The following UBE2E2 variants were observed in gnomAD, a reference collection of about 807,000 sequenced individuals.
UBE2E2 encodes the protein ubiquitin-conjugating enzyme E2 E2.
Under a neutral mutation model 24.7 loss-of-function variants are expected in UBE2E2, and 6 were observed. The ratio of observed to expected loss-of-function variants is 0.24; its 90% CI spans 0.13 to 0.48. The LOEUF (loss-of-function observed/expected upper bound fraction) is 0.48, where lower values mean the gene tolerates loss of function less well. UBE2E2 is among the 20% of genes least tolerant of loss of function. The pLI, the probability that UBE2E2 is intolerant of heterozygous loss-of-function variation, is 0.99. For missense variants in UBE2E2, 169 were observed against 245.0 expected (o/e 0.69, Z 2.07); for synonymous variants, 104 against 83.6 (o/e 1.24, Z -1.33).
At chr3:23,567,522 T>C (rs562020351) in intron 5 of UBE2E2, among the ~76,000 whole-genome samples, 1 of 152,260 alleles carries the variant, frequency 6.6e-6, no homozygotes, top group African/African-American at 2.4e-5. Flanking sequence ...AAAAGGTCAC[T>C]TATAGGAAAT....
chr3:23,357,162 A>G (rs572562785), intron 3 of UBE2E2, among the ~76,000 whole-genome samples: 1 of 152,354 alleles, frequency 6.6e-6, no homozygotes, highest in Admixed American at 6.5e-5. Context: ...CAACCCTTGC[A>G]TGGGCCGGAA....
chr3:23,396,366 A>G (rs1036316998), intron 3 of UBE2E2, among the ~76,000 whole-genome samples: 4 of 147,958 alleles, frequency 2.7e-5, no homozygotes, highest in Admixed American at 2.0e-4. Context: ...TTATCTATAT[A>G]AAATAAAAAA....
At position 23,515,049 on chromosome 3, in the gene UBE2E2, G is replaced by C. The variant is rs553972119; in HGVS notation, c.360+15309G>C. On this transcript the variant is annotated intron_variant, in intron 4 of 5. Coordinates refer to ENST00000396703, the MANE Select transcript of UBE2E2 (RefSeq NM_152653.4). Reference sequence around the variant, plus strand: ...GGCATGATCAATGATTGTATGATTTGTACTAAAGAACTGACCTTCATGTTT... The same window carrying C: ...GGCATGATCAATGATTGTATGATTTCTACTAAAGAACTGACCTTCATGTTT... Among the ~76,000 whole-genome samples the C allele has an allele frequency of 4.6e-5, 7 of 151,812 alleles. No homozygotes were observed. The East Asian group carries it at 1.4e-3, about 29-fold the overall frequency.
chr3:23,428,072 A>G (rs1559380790), intron 3 of UBE2E2, among the ~76,000 whole-genome samples: 1 of 152,204 alleles, frequency 6.6e-6, no homozygotes, highest in East Asian at 1.9e-4. Context: ...AGTTGAATAT[A>G]ATTGAAATCC....
Position 23,491,779 on chromosome 3 carries a change from C to T in UBE2E2, c.228-7829C>T, listed in dbSNP as rs577145341. ...TACTTAAAGGAGTTTCTGGAAATTGCCCTAGCTGCAGTTTGGTAAACAGAT... is the reference window on the plus strand; with the variant it reads ...TACTTAAAGGAGTTTCTGGAAATTGTCCTAGCTGCAGTTTGGTAAACAGAT... On this transcript the variant is annotated intron_variant, in intron 3 of 5. Coordinates refer to ENST00000396703, the MANE Select transcript of UBE2E2 (RefSeq NM_152653.4). Among the ~76,000 whole-genome samples the T allele has an allele frequency of 2.2e-4, 33 of 152,270 alleles. 1 individual carries two copies. Among genetic ancestry groups the T allele is most frequent in the Admixed American group, 1.0e-3 (16 of 15,298 alleles).
intron 3 of UBE2E2, among the ~76,000 whole-genome samples, chr3:23,379,499 G>GT (rs1456351417): frequency 6.7e-6 from 1 of 148,512 alleles, no homozygotes; most frequent in East Asian, 2.0e-4. Flanking sequence ...GCGGTGTTTG[G>GT]TTTTTTGTTC....
intron 5 of UBE2E2, among the ~76,000 whole-genome samples, chr3:23,582,121 G>GT (rs1178120995): frequency 6.6e-6 from 1 of 152,084 alleles, no homozygotes; most frequent in Non-Finnish European, 1.5e-5. Context: ...GGTACTGAAT[G>GT]TTTAGCTCCC....
intron 3 of UBE2E2, among the ~76,000 whole-genome samples, chr3:23,386,395 A>G (rs1238989085): frequency 1.3e-5 from 2 of 152,132 alleles, no homozygotes; most frequent in Non-Finnish European, 2.9e-5. Flanking sequence ...TCCGAATGCA[A>G]TCAGGTTGGG....
At chr3:23,277,095 A>T (rs1005344823) in intron 3 of UBE2E2, among the ~76,000 whole-genome samples, 2 of 152,154 alleles carry the variant, frequency 1.3e-5, no homozygotes, top group East Asian at 1.9e-4. Context: ...ACATTATCAG[A>T]TTGATTAACT....
chr3:23,525,709 G>A (rs1428308857), intron 4 of UBE2E2, among the ~76,000 whole-genome samples: 1 of 152,162 alleles, frequency 6.6e-6, no homozygotes. Flanking sequence ...AGTGCAGTTT[G>A]CTTTATGGTC....
At chr3:23,254,528 A>T (rs555292503) in intron 3 of UBE2E2, among the ~76,000 whole-genome samples, 76 of 152,360 alleles carry the variant, frequency 5.0e-4, no homozygotes, top group Admixed American at 1.2e-3. Flanking sequence ...CATGTTGACC[A>T]GTGTGGGAGC....
chr3:23,302,586 A>G (rs1197653434), intron 3 of UBE2E2, among the ~76,000 whole-genome samples: 3 of 152,298 alleles, frequency 2.0e-5, no homozygotes, highest in South Asian at 2.1e-4. Flanking sequence ...AAAATCCTAG[A>G]TGCTTCTAGA....
At chr3:23,318,492 C>T (rs972638474) in intron 3 of UBE2E2, among the ~76,000 whole-genome samples, 13 of 151,858 alleles carry the variant, frequency 8.6e-5, no homozygotes, top group Non-Finnish European at 1.9e-4. Context: ...AAAGACATAC[C>T]CAAGACTGGG....
chr3:23,287,245 C>G (rs970679058), intron 3 of UBE2E2, among the ~76,000 whole-genome samples: 1 of 152,176 alleles, frequency 6.6e-6, no homozygotes, highest in African/African-American at 2.4e-5. Context: ...ATATATTGAA[C>G]CATCCTTGCA....
chr3:23,244,769 T>C (rs1697343179), intron 3 of UBE2E2, among the ~76,000 whole-genome samples: 1 of 152,172 alleles, frequency 6.6e-6, no homozygotes, highest in Non-Finnish European at 1.5e-5. Flanking sequence ...CTTGGATGAA[T>C]GATTGTATTG....
At chr3:23,245,582 A>T (rs576344886) in intron 3 of UBE2E2, among the ~76,000 whole-genome samples, 2 of 152,328 alleles carry the variant, frequency 1.3e-5, no homozygotes, top group Middle Eastern at 3.4e-3. Flanking sequence ...AAAATATCAC[A>T]GGCCGTATTT....
chr3:23,525,464 A>G (rs759607886), intron 4 of UBE2E2, among the ~76,000 whole-genome samples: 1 of 152,212 alleles, frequency 6.6e-6, no homozygotes, highest in Non-Finnish European at 1.5e-5. Flanking sequence ...CTATATCGCT[A>G]TATCCAAGTC....
At chr3:23,559,957 T>C (rs1695881863) in intron 5 of UBE2E2, among the ~76,000 whole-genome samples, 1 of 152,158 alleles carries the variant, frequency 6.6e-6, no homozygotes, top group Non-Finnish European at 1.5e-5. Flanking sequence ...GTGTGCTCTT[T>C]AGAGGCCAAG....
intron 5 of UBE2E2, among the ~76,000 whole-genome samples, chr3:23,557,003 C>T (rs940681942): frequency 1.3e-5 from 2 of 152,156 alleles, no homozygotes; most frequent in African/African-American, 4.8e-5. Context: ...GCACATTTCT[C>T]ATCACAGACA....
Sources: allele counts gnomAD v4.1 joint callset (sites outside exome capture counted in the v4.1 genomes callset), GRCh38; gene constraint gnomAD v4.1.1; transcripts MANE v1.5; gene names NCBI Gene and HGNC (gene_info 2026-07-23, HGNC 2026-07-21).